The following LRMDA variants were observed in gnomAD, a reference collection of about 807,000 sequenced individuals.
LRMDA encodes leucine rich melanocyte differentiation associated, also known as leucine-rich melanocyte differentiation-associated protein.
In LRMDA, 18 loss-of-function variants were observed where a neutral mutation model predicts 29.8. That is an observed-to-expected ratio of 0.60 (90% CI 0.42 to 0.90). LRMDA has a LOEUF of 0.90. Among genes scored for constraint, LRMDA ranks in the 40% least tolerant of loss-of-function variants. The probability of loss-of-function intolerance (pLI) is 0.00; values close to 1 mark genes in which losing one functional copy is unlikely to be tolerated. For synonymous variants in LRMDA, 125 were observed against 109.4 expected, an observed-to-expected ratio of 1.14 and a Z score of -0.89; for missense variants, 273 against 273.9, an observed-to-expected ratio of 1.00 and a Z score of 0.02.
intron 2 of LRMDA, among the ~76,000 whole-genome samples, chr10:75,735,201 T>C (rs892718388): frequency 6.6e-6 from 1 of 152,194 alleles, no homozygotes; most frequent in Non-Finnish European, 1.5e-5. Flanking sequence ...GGTATTGTAA[T>C]GACCTTGGAA....
intron 4 of LRMDA, among the ~76,000 whole-genome samples, chr10:76,056,740 G>A (rs990303049): frequency 6.6e-6 from 1 of 152,196 alleles, no homozygotes; most frequent in Non-Finnish European, 1.5e-5. Context: ...CAGGCAGTGG[G>A]AGCAGGCACT....
chr10:76,440,375 G>A (rs1842288923), intron 6 of LRMDA, among the ~76,000 whole-genome samples: 1 of 152,168 alleles, frequency 6.6e-6, no homozygotes, highest in Admixed American at 6.5e-5. Flanking sequence ...GGTTCAGGGT[G>A]GGTAAAATAT....
At chr10:76,457,546 C>T (rs1040933488) in intron 6 of LRMDA, among the ~76,000 whole-genome samples, 30 of 151,874 alleles carry the variant, frequency 2.0e-4, no homozygotes, top group Non-Finnish European at 3.8e-4. Flanking sequence ...AAAGTGGCTG[C>T]CAAGTATTGT....
At chr10:76,115,890 C>G (rs1449836574) in intron 5 of LRMDA, among the ~76,000 whole-genome samples, 1 of 152,088 alleles carries the variant, frequency 6.6e-6, no homozygotes, top group Non-Finnish European at 1.5e-5. Context: ...GGCGACCTTT[C>G]TCTGATCCAA....
intron 4 of LRMDA, among the ~76,000 whole-genome samples, chr10:76,055,063 C>CGAAAAAA (rs1848587688): frequency 2.2e-5 from 1 of 45,898 alleles, no homozygotes; most frequent in Non-Finnish European, 3.7e-5. Context: ...GACTCCATCT[C>CGAAAAAA]AAAAAAAAAA....
chr10:76,190,023 T>G (rs554309644), intron 5 of LRMDA, among the ~76,000 whole-genome samples: 2 of 152,186 alleles, frequency 1.3e-5, no homozygotes, highest in South Asian at 2.1e-4. Context: ...TGGGACTTGT[T>G]TCTTGTGCTA....
intron 5 of LRMDA, among the ~76,000 whole-genome samples, chr10:76,186,605 C>T (rs1488482211): frequency 6.6e-6 from 1 of 152,208 alleles, no homozygotes; most frequent in Non-Finnish European, 1.5e-5. Flanking sequence ...TGAGTGGGTA[C>T]TCTGTCACTT....
At chr10:75,723,900 G>A (rs957724658) in intron 2 of LRMDA, among the ~76,000 whole-genome samples, 4 of 152,148 alleles carry the variant, frequency 2.6e-5, no homozygotes, top group Non-Finnish European at 5.9e-5. Context: ...TTATTGCAGT[G>A]TAATGCCGTA....
chr10:76,333,258 G>A (rs1025126118), intron 6 of LRMDA, among the ~76,000 whole-genome samples: 2 of 152,118 alleles, frequency 1.3e-5, no homozygotes, highest in Non-Finnish European at 2.9e-5. Context: ...CAGACAGAAG[G>A]GTTTATATTT....
rs1466907444 is a variant in LRMDA at position 75,845,549 on chromosome 10, G to A, written c.132-190459G>A. On this transcript the variant is annotated intron_variant, in intron 2 of 6. Coordinates refer to ENST00000611255, the MANE Select transcript of LRMDA (RefSeq NM_001305581.2). ...CTTCAGGTGGACACTTAGTCATCACGACGATGAGGCCATATTCTTGCGTCT... is the reference window on the plus strand; with the variant it reads ...CTTCAGGTGGACACTTAGTCATCACAACGATGAGGCCATATTCTTGCGTCT... Among the ~76,000 whole-genome samples the A allele has an allele frequency of 3.3e-5, 5 of 152,284 alleles. No individual in the cohort carries two copies. The East Asian group carries it at 5.8e-4, about 18-fold the overall frequency.
chr10:76,412,476 T>C (rs1397217115), intron 6 of LRMDA, among the ~76,000 whole-genome samples: 1 of 152,198 alleles, frequency 6.6e-6, no homozygotes. Flanking sequence ...CATAGCTCTA[T>C]ATTCAACATC....
chr10:76,166,415 A>G (rs1850741259), intron 5 of LRMDA, among the ~76,000 whole-genome samples: 1 of 152,202 alleles, frequency 6.6e-6, no homozygotes, highest in African/African-American at 2.4e-5. Context: ...TTTGTCACCC[A>G]GGTACTGAGC....
At chr10:75,624,171 TA>T (rs571746937) in intron 2 of LRMDA, among the ~76,000 whole-genome samples, 42 of 152,168 alleles carry the variant, frequency 2.8e-4, no homozygotes, top group Non-Finnish European at 5.4e-4. Flanking sequence ...AATAACATAT[TA>T]TTGGCTCTGT....
At chr10:75,634,686 T>C (rs1017057122) in intron 2 of LRMDA, among the ~76,000 whole-genome samples, 2 of 152,266 alleles carry the variant, frequency 1.3e-5, no homozygotes, top group Non-Finnish European at 2.9e-5. Context: ...CATATCATTA[T>C]TTTTGAGTGA....
At chr10:75,957,409 TCCA>T (rs1846681976) in intron 2 of LRMDA, among the ~76,000 whole-genome samples, 1 of 152,198 alleles carries the variant, frequency 6.6e-6, no homozygotes, top group South Asian at 2.1e-4. Flanking sequence ...TTAAGAAATC[TCCA>T]GTGAGTACCG....
At chr10:76,109,383 G>T (rs1323552001) in intron 5 of LRMDA, among the ~76,000 whole-genome samples, 2 of 152,072 alleles carry the variant, frequency 1.3e-5, no homozygotes, top group African/African-American at 4.8e-5. Context: ...TCCCCCTATT[G>T]AAGGCTAGCT....
chr10:75,798,275 AT>A (rs986544858), intron 2 of LRMDA, among the ~76,000 whole-genome samples: 11 of 151,696 alleles, frequency 7.3e-5, no homozygotes, highest in Non-Finnish European at 1.0e-4. Context: ...TTATCTTTTC[AT>A]TTTTTTATGG....
chr10:76,357,276 C>T (rs1589149492), intron 6 of LRMDA, among the ~76,000 whole-genome samples: 1 of 152,196 alleles, frequency 6.6e-6, no homozygotes, highest in South Asian at 2.1e-4. Flanking sequence ...GAGTGGGACT[C>T]AGAAGAGAGG....
chr10:76,507,740 A>G (rs926352656), intron 6 of LRMDA, among the ~76,000 whole-genome samples: 1 of 152,072 alleles, frequency 6.6e-6, no homozygotes, highest in Non-Finnish European at 1.5e-5. Flanking sequence ...CACACCAATC[A>G]TTGAAGAGAC....
Sources: gnomAD v4.1 joint callset for allele counts (sites outside exome capture counted in the v4.1 genomes callset) on GRCh38, gnomAD v4.1.1 for gene constraint, MANE v1.5 for transcripts, NCBI Gene and HGNC (gene_info 2026-07-23, HGNC 2026-07-21) for gene names.